TMTC2: variants seen among roughly 807,000 people sequenced by gnomAD.
The protein encoded by TMTC2 is protein O-mannosyl-transferase TMTC2.
A neutral mutation model predicts 82.4 loss-of-function variants in TMTC2; 43 were observed. That is an observed-to-expected ratio of 0.52 (90% confidence interval 0.41 to 0.67). The LOEUF (loss-of-function observed/expected upper bound fraction) is 0.67. Ranked by LOEUF, TMTC2 falls within the 30% of genes least tolerant of loss-of-function variation. The probability of loss-of-function intolerance (pLI) is 0.00; values close to 1 mark genes in which losing one functional copy is unlikely to be tolerated. For synonymous variants in TMTC2, 408 were observed against 381.9 expected, an observed-to-expected ratio of 1.07 and a Z score of -0.80; for missense variants, 919 against 1,012.4, an observed-to-expected ratio of 0.91 and a Z score of 1.25.
At chr12:82,945,852 T>C (rs1299343629) in intron 4 of TMTC2, among the ~76,000 whole-genome samples, 1 of 152,190 alleles carries the variant, frequency 6.6e-6, no homozygotes, top group Non-Finnish European at 1.5e-5. Flanking sequence ...TTCCCCTATA[T>C]GATGGAAAAG....
At chr12:82,837,523 G>A (rs1870114703) in intron 1 of TMTC2, among the ~76,000 whole-genome samples, 1 of 152,194 alleles carries the variant, frequency 6.6e-6, no homozygotes, top group Admixed American at 6.5e-5. Context: ...TCATCCCAGA[G>A]TTGAATTCTG....
intron 3 of TMTC2, among the ~76,000 whole-genome samples, chr12:82,904,121 C>T (rs1291321278): frequency 6.6e-6 from 1 of 152,102 alleles, no homozygotes; most frequent in Non-Finnish European, 1.5e-5. Context: ...ATGAGACTGT[C>T]AGTAATCTTC....
chr12:82,788,337 C>T (rs1878286791), intron 1 of TMTC2, among the ~76,000 whole-genome samples: 1 of 152,036 alleles, frequency 6.6e-6, no homozygotes. Flanking sequence ...TGGAAATATT[C>T]TAAATTCTTA....
intron 1 of TMTC2, among the ~76,000 whole-genome samples, chr12:82,826,040 T>C (rs1398482674): frequency 6.6e-6 from 1 of 152,272 alleles, no homozygotes; most frequent in African/African-American, 2.4e-5. Flanking sequence ...CAGGTGATGC[T>C]AGACTTGGAT....
At chr12:83,117,166 C>G (rs930934862) in intron 11 of TMTC2, among the ~76,000 whole-genome samples, 4 of 152,166 alleles carry the variant, frequency 2.6e-5, no homozygotes, top group South Asian at 4.1e-4. Context: ...TATCCCAGCA[C>G]CATTTGTTGA....
At chr12:82,936,783 T>G (rs1275681025) in intron 4 of TMTC2, among the ~76,000 whole-genome samples, 1 of 152,186 alleles carries the variant, frequency 6.6e-6, no homozygotes, top group Non-Finnish European at 1.5e-5. Context: ...CATTTAATGT[T>G]GAAGCATAGT....
intron 2 of TMTC2, among the ~76,000 whole-genome samples, chr12:82,895,537 T>C (rs1488814469): frequency 1.3e-5 from 2 of 152,210 alleles, no homozygotes; most frequent in African/African-American, 4.8e-5. Context: ...TTTGTAGAGG[T>C]CACAAAATTG....
chr12:82,974,116 C>A lies in TMTC2; in HGVS notation c.1948+7119C>A, dbSNP rs11115503. ...GGGCACAGTGGCTCATGCCTGTAATCCCAGCACCATGGGAGGCTGAGGTGA... is the reference window on the plus strand; with the variant it reads ...GGGCACAGTGGCTCATGCCTGTAATACCAGCACCATGGGAGGCTGAGGTGA... On this transcript the variant is annotated intron_variant, in intron 7 of 11. Coordinates refer to ENST00000321196, the MANE Select transcript of TMTC2 (RefSeq NM_152588.3). Among the ~76,000 whole-genome samples, 1,027 of 152,216 alleles carry A rather than the reference C, an allele frequency of 6.7e-3. 20 individuals carry two copies. The highest frequency in any genetic ancestry group is 0.024 in the African/African-American group (983 of 41,534).
chr12:83,096,583 G>A (rs1053250058), intron 11 of TMTC2, among the ~76,000 whole-genome samples: 4 of 152,184 alleles, frequency 2.6e-5, no homozygotes, highest in African/African-American at 9.7e-5. Context: ...AGACAAGAGA[G>A]AAATGAGAGA....
intron 4 of TMTC2, among the ~76,000 whole-genome samples, chr12:82,961,945 G>A (rs1049622351): frequency 6.6e-6 from 1 of 151,950 alleles, no homozygotes; most frequent in Non-Finnish European, 1.5e-5. Context: ...ATCTATCTTA[G>A]ACTCACTCTA....
chr12:82,785,538 A>G (rs1215871624), intron 1 of TMTC2, among the ~76,000 whole-genome samples: 1 of 152,076 alleles, frequency 6.6e-6, no homozygotes, highest in Non-Finnish European at 1.5e-5. Flanking sequence ...AGGAAAATAT[A>G]TTTAGCAAAA....
At chr12:82,718,229 A>G (rs1342584084) in intron 1 of TMTC2, among the ~76,000 whole-genome samples, 1 of 152,222 alleles carries the variant, frequency 6.6e-6, no homozygotes, top group East Asian at 1.9e-4. Flanking sequence ...GCTTGATTTG[A>G]AACTTCATCT....
intron 3 of TMTC2, among the ~76,000 whole-genome samples, chr12:82,910,902 G>A (rs1241004339): frequency 6.6e-6 from 1 of 150,968 alleles, no homozygotes; most frequent in Non-Finnish European, 1.5e-5. Flanking sequence ...AGAGACAGAG[G>A]CAGAGTCTCG....
At chr12:82,826,104 T>G (rs571760250) in intron 1 of TMTC2, among the ~76,000 whole-genome samples, 1 of 152,358 alleles carries the variant, frequency 6.6e-6, no homozygotes, top group South Asian at 2.1e-4. Context: ...AAAGAATATT[T>G]AAGTAAACTT....
At chr12:82,901,263 A>AAT (rs1284515561) in intron 3 of TMTC2, among the ~76,000 whole-genome samples, 3 of 139,282 alleles carry the variant, frequency 2.2e-5, no homozygotes, top group Non-Finnish European at 4.6e-5. Flanking sequence ...ATATATCTGG[A>AAT]ATATATATAT....
At chr12:83,058,988 G>A (rs558872830) in intron 10 of TMTC2, among the ~76,000 whole-genome samples, 1 of 151,836 alleles carries the variant, frequency 6.6e-6, no homozygotes, top group Non-Finnish European at 1.5e-5. Flanking sequence ...TATTGTAACT[G>A]GTAAATGAAA....
chr12:82,995,769 C>G (rs1879589723), intron 8 of TMTC2, among the ~76,000 whole-genome samples: 1 of 152,136 alleles, frequency 6.6e-6, no homozygotes, highest in Non-Finnish European at 1.5e-5. Flanking sequence ...CTCCTGTTTT[C>G]TGAAAGCAGT....
intron 8 of TMTC2, among the ~76,000 whole-genome samples, chr12:83,012,941 A>G (rs1038629429): frequency 2.6e-5 from 4 of 152,156 alleles, no homozygotes; most frequent in Admixed American, 2.0e-4. Flanking sequence ...TCGGCTTTAC[A>G]TAAATGTGAC....
chr12:82,780,060 C>T (rs1224681507), intron 1 of TMTC2, among the ~76,000 whole-genome samples: 3 of 152,106 alleles, frequency 2.0e-5, no homozygotes, highest in Admixed American at 1.3e-4. Context: ...TATTTAATTA[C>T]AGGAAAGATT....
Sources: allele counts gnomAD v4.1 joint callset (sites outside exome capture counted in the v4.1 genomes callset), GRCh38; gene constraint gnomAD v4.1.1; transcripts MANE v1.5; gene names NCBI Gene and HGNC (gene_info 2026-07-23, HGNC 2026-07-21).